The following SYNE1 variants were observed in gnomAD, a reference collection of about 807,000 sequenced individuals.
SYNE1 encodes spectrin repeat containing nuclear envelope protein 1.
In SYNE1, 616 loss-of-function variants were observed where a neutral mutation model predicts 1,111.0. That is an observed-to-expected ratio of 0.55 (90% CI 0.52 to 0.59). The LOEUF is 0.59. SYNE1 is among the 20% of genes least tolerant of loss of function. The pLI, the probability that SYNE1 is intolerant of heterozygous loss-of-function variation, is 0.00. For synonymous variants in SYNE1, 3,855 were observed against 3,825.8 expected (o/e 1.01, Z -0.28); for missense variants, 10,006 against 10,417.0 (o/e 0.96, Z 1.72).
At chr6:152,147,734 A>G (rs1043025979) in intron 137 of SYNE1, 21 of 362,512 alleles carry the variant, frequency 5.8e-5, no homozygotes, top group African/African-American at 4.5e-4. Context: ...AGCCCCAAAC[A>G]CTTCATACAG....
intron 59 of SYNE1, among the ~76,000 whole-genome samples, chr6:152,370,522 G>A (rs924689637): frequency 5.3e-5 from 8 of 152,198 alleles, no homozygotes; most frequent in African/African-American, 1.9e-4. Context: ...ACATAAGAAT[G>A]TCATAATACT....
intron 38 of SYNE1, among the ~76,000 whole-genome samples, chr6:152,426,385 G>A (rs2098355720): frequency 1.3e-5 from 2 of 152,212 alleles, no homozygotes; most frequent in African/African-American, 4.8e-5. Flanking sequence ...TGCGACTTAT[G>A]CTGGGTACAA....
chr6:152,295,641 C>A (rs2094839499), intron 93 of SYNE1, among the ~76,000 whole-genome samples: 1 of 152,012 alleles, frequency 6.6e-6, no homozygotes, highest in Non-Finnish European at 1.5e-5. Flanking sequence ...CATACACACA[C>A]AAACACGCAC....
intron 87 of SYNE1, among the ~76,000 whole-genome samples, chr6:152,314,001 A>G (rs1184193026): frequency 1.3e-5 from 2 of 152,148 alleles, no homozygotes; most frequent in Non-Finnish European, 2.9e-5. Context: ...CACCCAATTC[A>G]GTCTCCAAAT....
intron 3 of SYNE1, among the ~76,000 whole-genome samples, chr6:152,590,528 T>C (rs1164644979): frequency 1.3e-5 from 2 of 152,136 alleles, no homozygotes; most frequent in East Asian, 3.8e-4. Context: ...AAGCTTCCCA[T>C]AGTTTCTACA....
At position 152,255,547 on chromosome 6, in the gene SYNE1, C is replaced by T. The variant is rs778941723; in HGVS notation, c.19260+44G>A. ...AATTATCCCATCAAAATGTCAAGTGCTTTGTAATGTTATACACACACAGGC... is the reference window on the plus strand; with the variant it reads ...AATTATCCCATCAAAATGTCAAGTGTTTTGTAATGTTATACACACACAGGC... On this transcript the variant is annotated intron_variant, in intron 103 of 145. Coordinates refer to ENST00000367255, the MANE Select transcript of SYNE1 (RefSeq NM_182961.4). 21 of 1,607,796 alleles carry T rather than the reference C, an allele frequency of 1.3e-5. No homozygotes were observed. The South Asian group carries it at 2.0e-4, about 15-fold the overall frequency.
At chr6:152,167,130 T>C (rs2063818345) in intron 130 of SYNE1, among the ~76,000 whole-genome samples, 2 of 152,330 alleles carry the variant, frequency 1.3e-5, no homozygotes, top group African/African-American at 4.8e-5. Context: ...AGCTTATGGT[T>C]CTTTCACAGT....
chr6:152,368,901 G>A, intron 61 of SYNE1, 71 bp downstream of exon 61: 1 of 1,606,536 alleles, frequency 6.2e-7, no homozygotes, highest in Non-Finnish European at 8.5e-7. Context: ...TGCACACCCT[G>A]CAGAACCTGC....
At chr6:152,473,643 T>C (rs1441417687) in intron 14 of SYNE1, among the ~76,000 whole-genome samples, 9 of 152,020 alleles carry the variant, frequency 5.9e-5, no homozygotes, top group Admixed American at 5.9e-4. Flanking sequence ...CACAGGAGGG[T>C]AGAGAACAAA....
chr6:152,603,140 C>T (rs2128668936), intron 3 of SYNE1, among the ~76,000 whole-genome samples: 1 of 152,128 alleles, frequency 6.6e-6, no homozygotes, highest in Admixed American at 6.6e-5. Flanking sequence ...CTTCTTGGGG[C>T]CCATTTCTTT....
At chr6:152,405,877 T>A (rs2097891750) in intron 45 of SYNE1, among the ~76,000 whole-genome samples, 1 of 152,188 alleles carries the variant, frequency 6.6e-6, no homozygotes, top group Non-Finnish European at 1.5e-5. Context: ...AGTTAGGTAA[T>A]GCAATTCATT....
rs1389127929 is a variant in SYNE1, at chr6:152,180,272, A to G, written c.23324T>C (p.Ile7775Thr). 1.2e-6 allele frequency: 2 copies of G among 1,614,076 alleles called. No homozygotes were observed. Among genetic ancestry groups the G allele is most frequent in the East Asian group, 4.5e-5 (2 of 44,856 alleles). Residue 7775 changes from isoleucine (I) to threonine (T), a missense_variant, in exon 129 of 146, where the codon ATA becomes ACA. Around this residue, in one of 7 missense-constraint regions of SYNE1, gnomAD observed 2,182 missense variants for 2,287.8 expected, o/e 0.95. Transcript: ENST00000367255. The stretch of plus-strand genomic sequence containing the variant: ...TGCCCATTCATTCAATCTTTCACCT[A>G]TTTGCTGCCGCCTTAAGGAGAGCTG... The part of the protein sequence containing the change: ...CHQLSLRRQQ[I>T]GERLNEWAVF...
chr6:152,470,031 C>T (rs996828233), intron 16 of SYNE1, among the ~76,000 whole-genome samples: 8 of 152,110 alleles, frequency 5.3e-5, no homozygotes, highest in Non-Finnish European at 8.8e-5. Context: ...TCTTCAGTAG[C>T]AGATGAGAGT....
chr6:152,349,922 C>A (rs1032488814), intron 72 of SYNE1, among the ~76,000 whole-genome samples: 10 of 152,154 alleles, frequency 6.6e-5, no homozygotes, highest in African/African-American at 2.4e-4. Flanking sequence ...ATTTTGAGGC[C>A]TCCCCAGCCA....
chr6:152,168,364 G>C (rs2064202665), intron 130 of SYNE1: 1 of 582,046 alleles, frequency 1.7e-6, no homozygotes, highest in Non-Finnish European at 3.1e-6. Flanking sequence ...GCAGTGACAA[G>C]TGGTCATGTT....
At chr6:152,266,868 G>A (rs1294852309) in intron 100 of SYNE1, among the ~76,000 whole-genome samples, 5 of 152,098 alleles carry the variant, frequency 3.3e-5, no homozygotes, top group African/African-American at 7.2e-5. Flanking sequence ...CAGCATTGAC[G>A]TCATATGTCA....
intron 3 of SYNE1, 75 bp downstream of exon 3, chr6:152,628,190 C>G (rs375787301): frequency 6.5e-7 from 1 of 1,529,292 alleles, no homozygotes; most frequent in African/African-American, 1.4e-5. Context: ...TGAGTAAAAC[C>G]CCAAACAAAT....
chr6:152,164,189 T>C lies in SYNE1; in HGVS notation c.23764A>G (p.Ile7922Val). The C allele has an allele frequency of 6.2e-7, 1 of 1,614,198 alleles. No individual in the cohort carries two copies. The change falls in exon 131 of 146, where the codon ATA (isoleucine) becomes GTA (valine). Residue 7922 changes from isoleucine (I) to valine (V), a missense_variant. By Grantham distance (29) the Ile-to-Val change is conservative (BLOSUM62 3). Transcript: ENST00000367255. The part of the protein sequence containing the change: ...IVYDSCNSEE[I>V]QRKLNEQQEL... ...TGCTGCTCATTAAGCTTTCTCTGTA[T>C]TTCTTCCGAGTTACAGGAATCGTAG...
intron 124 of SYNE1, 118 bp from the exon 125 acceptor site, chr6:152,208,324 G>T: frequency 2.3e-6 from 2 of 886,332 alleles, no homozygotes; most frequent in Non-Finnish European, 3.6e-6. Context: ...TAGGGCGGTG[G>T]TTTTTGAATA....
Sources: gnomAD v4.1 joint callset for allele counts (sites outside exome capture counted in the v4.1 genomes callset) on GRCh38, gnomAD v4.1.1 for gene constraint, gnomAD v4.1.1 regional missense constraint, MANE v1.5 for transcripts, NCBI Gene and HGNC (gene_info 2026-07-23, HGNC 2026-07-21) for gene names.